The following AAK1 variants were observed in gnomAD, a reference collection of about 807,000 sequenced individuals.
AAK1 encodes AP2-associated protein kinase 1.
Under a neutral mutation model 116.0 loss-of-function variants are expected in AAK1, and 37 were observed. The ratio of observed to expected loss-of-function variants is 0.32; its 90% CI spans 0.25 to 0.42. AAK1 has a LOEUF of 0.42. AAK1 is among the 10% of genes least tolerant of loss of function. The pLI, the probability that AAK1 is intolerant of heterozygous loss-of-function variation, is 1.00. For synonymous variants in AAK1, 458 were observed against 439.9 expected (o/e 1.04, Z -0.51); for missense variants, 919 against 1,170.6 (o/e 0.79, Z 3.14).
intron 18 of AAK1, chr2:69,482,417 A>C (rs1675124755): frequency 6.7e-6 from 4 of 598,402 alleles, no homozygotes; most frequent in Non-Finnish European, 1.2e-5. Context: ...TAGTCTAGTT[A>C]GAAACCAATT....
intron 2 of AAK1, among the ~76,000 whole-genome samples, chr2:69,558,053 A>T (rs181029595): frequency 1.9e-3 from 286 of 152,294 alleles, no homozygotes; most frequent in Non-Finnish European, 1.9e-3. Context: ...CATTAACAGA[A>T]ATATATAAGC....
chr2:69,582,367 G>T (rs139988749), intron 2 of AAK1, among the ~76,000 whole-genome samples: 1 of 151,778 alleles, frequency 6.6e-6, no homozygotes, highest in Non-Finnish European at 1.5e-5. Context: ...AAAAACCTCC[G>T]TGTGTGCGTG....
chr2:69,477,764 C>A (rs975993100), intron 20 of AAK1, among the ~76,000 whole-genome samples: 41 of 152,344 alleles, frequency 2.7e-4, no homozygotes, highest in African/African-American at 9.4e-4. Flanking sequence ...TTAATGTCAT[C>A]ACGGGTAAAA....
intron 2 of AAK1, among the ~76,000 whole-genome samples, chr2:69,630,267 C>T (rs1028328024): frequency 6.8e-6 from 1 of 147,406 alleles, no homozygotes; most frequent in African/African-American, 2.5e-5. Flanking sequence ...AAAAATCAAA[C>T]TACAATATTT....
intron 2 of AAK1, among the ~76,000 whole-genome samples, chr2:69,561,851 C>G (rs1046307121): frequency 1.1e-4 from 17 of 152,162 alleles, no homozygotes; most frequent in African/African-American, 4.1e-4. Context: ...GTATACACTG[C>G]TTTGGTCTGG....
intron 7 of AAK1, 25 bp from the exon 8 acceptor site, chr2:69,530,165 C>T: frequency 1.3e-6 from 2 of 1,590,194 alleles, no homozygotes; most frequent in Non-Finnish European, 1.7e-6. Flanking sequence ...TAGCAGATTG[C>T]TACTAGTGGC....
intron 2 of AAK1, among the ~76,000 whole-genome samples, chr2:69,630,023 T>G (rs1675092427): frequency 6.6e-6 from 1 of 151,926 alleles, no homozygotes; most frequent in Non-Finnish European, 1.5e-5. Context: ...GGGAACACCA[T>G]GAGTAAAGAA....
rs1251103078 is a variant in AAK1 at position 69,469,359 on chromosome 2, G to C, written c.*6510C>G. 1 of 985,272 alleles carries C rather than the reference G, an allele frequency of 1.0e-6. No homozygotes were observed. Among genetic ancestry groups the C allele is most frequent in the African/African-American group, 1.7e-5 (1 of 57,216 alleles). The allele number at this position is 985,272 out of a possible 1,614,324, so 61.0% of individuals were successfully genotyped here. On this transcript the variant is annotated 3_prime_UTR_variant, in exon 22 of 22. Coordinates refer to ENST00000409085, the MANE Select transcript of AAK1 (RefSeq NM_014911.5). ...AATTCCAAATATACTAGAAACAGAA[G>C]GTAACCATTAAATCTTGTTGGCAGA...
At chr2:69,637,537 C>A (rs75484896) in intron 2 of AAK1, among the ~76,000 whole-genome samples, 8 of 152,060 alleles carry the variant, frequency 5.3e-5, no homozygotes, top group Admixed American at 5.2e-4. Context: ...TAAAATAGAC[C>A]GGAGGCAAGT....
chr2:69,593,987 T>C (rs1214491163), intron 2 of AAK1, among the ~76,000 whole-genome samples: 1 of 152,254 alleles, frequency 6.6e-6, no homozygotes, highest in Non-Finnish European at 1.5e-5. Flanking sequence ...CATTTTAATG[T>C]ATTGCTTTTA....
At chr2:69,611,318 A>C (rs1674070277) in intron 2 of AAK1, among the ~76,000 whole-genome samples, 1 of 152,228 alleles carries the variant, frequency 6.6e-6, no homozygotes, top group African/African-American at 2.4e-5. Context: ...GCCCTTGGGC[A>C]TCAGACTTCC....
At chr2:69,609,915 T>C (rs1182791931) in intron 2 of AAK1, among the ~76,000 whole-genome samples, 1 of 151,494 alleles carries the variant, frequency 6.6e-6, no homozygotes, top group Non-Finnish European at 1.5e-5. Context: ...CCGAGCATGG[T>C]GGCGGGCACC....
intron 4 of AAK1, among the ~76,000 whole-genome samples, chr2:69,543,780 A>G (rs549959596): frequency 1.2e-4 from 19 of 152,210 alleles, no homozygotes; most frequent in Non-Finnish European, 2.2e-4. Flanking sequence ...ACCAAACAGT[A>G]AGGCACTGAC....
chr2:69,567,204 C>T (rs141086540), intron 2 of AAK1, among the ~76,000 whole-genome samples: 5 of 152,334 alleles, frequency 3.3e-5, no homozygotes, highest in Admixed American at 1.3e-4. Context: ...CCCTTTCACC[C>T]CATTCTTGGC....
At position 69,519,171 on chromosome 2, in the gene AAK1, G is replaced by A; in HGVS notation, c.1280C>T (p.Pro427Leu). ...QPKPQAPPSQ[P>L]LPQTQAKQPQ... ...CTGCTTGGCCTGAGTTTGCGGCAGA[G>A]GCTGGCTGGGTGGGGCTTGGGGTTT... Residue 427 changes from proline to leucine, a missense_variant, in exon 12 of 22, where the codon CCT becomes CTT. Pro to Leu is a moderately conservative substitution (Grantham distance 98). This residue lies in a region of AAK1 where 214 missense variants were observed against 210.6 expected (regional missense o/e 1.02). Coordinates refer to ENST00000409085, the MANE Select transcript of AAK1 (RefSeq NM_014911.5). 1 of 1,586,846 alleles carries A rather than the reference G, an allele frequency of 6.3e-7. No homozygotes were observed. Among genetic ancestry groups the A allele is most frequent in the Non-Finnish European group, 8.6e-7 (1 of 1,166,350 alleles).
intron 2 of AAK1, among the ~76,000 whole-genome samples, chr2:69,564,207 A>G (rs1671771215): frequency 6.6e-6 from 1 of 152,034 alleles, no homozygotes; most frequent in Non-Finnish European, 1.5e-5. Context: ...AAAAAGAAAA[A>G]AGAAAAAAGA....
rs970593877 is a variant in AAK1 at position 69,469,142 on chromosome 2, A to G, written c.*6727T>C. The G allele has an allele frequency of 5.1e-6, 5 of 985,314 alleles. No homozygotes were observed. In the African/African-American group the frequency reaches 8.7e-5, roughly 17 times the overall value. 61.0% of individuals were successfully genotyped at this position (985,314 alleles called of 1,614,324 possible). On this transcript the variant is annotated 3_prime_UTR_variant, in exon 22 of 22. Coordinates refer to ENST00000409085, the MANE Select transcript of AAK1 (RefSeq NM_014911.5). ...TGTCCTGAGAAGGCCAAGTCCCTTA[A>G]CCTTTCTATTCTTGTTAGAGGAGGT...
At chr2:69,531,364 G>A (rs1259986628) in intron 6 of AAK1, among the ~76,000 whole-genome samples, 3 of 152,158 alleles carry the variant, frequency 2.0e-5, no homozygotes, top group East Asian at 3.8e-4. Context: ...TTCTTGCCCC[G>A]GGCATGGTTG....
chr2:69,605,172 T>C (rs1008009212), intron 2 of AAK1, among the ~76,000 whole-genome samples: 2 of 152,158 alleles, frequency 1.3e-5, no homozygotes, highest in Non-Finnish European at 2.9e-5. Flanking sequence ...TGTCCCCTTT[T>C]TCCTTGCTCT....
Sources: gnomAD v4.1 joint callset for allele counts (sites outside exome capture counted in the v4.1 genomes callset) on GRCh38, gnomAD v4.1.1 for gene constraint, gnomAD v4.1.1 regional missense constraint, MANE v1.5 for transcripts, NCBI Gene and HGNC (gene_info 2026-07-23, HGNC 2026-07-21) for gene names.